The following COL4A3 variants were observed in gnomAD, a reference collection of about 807,000 sequenced individuals.
The protein encoded by COL4A3 is collagen alpha-3(IV) chain.
In COL4A3, 135 loss-of-function variants were observed where a neutral mutation model predicts 217.4. The ratio of observed to expected loss-of-function variants is 0.62; its 90% CI spans 0.54 to 0.72. COL4A3 has a LOEUF of 0.72. Ranked by LOEUF, COL4A3 falls within the 30% of genes least tolerant of loss-of-function variation. COL4A3 has a pLI of 0.00. For synonymous variants in COL4A3, 690 were observed against 736.3 expected (o/e 0.94, Z 1.02); for missense variants, 1,868 against 2,119.9 (o/e 0.88, Z 2.33).
chr2:227,185,273 A>G (rs2065993976), intron 1 of COL4A3, among the ~76,000 whole-genome samples: 1 of 152,192 alleles, frequency 6.6e-6, no homozygotes, highest in African/African-American at 2.4e-5. Flanking sequence ...TGTAAAAAGC[A>G]GAAAGCTTCT....
chr2:227,304,346 AT>A, intron 46 of COL4A3: 1 of 629,682 alleles, frequency 1.6e-6, no homozygotes, highest in Non-Finnish European at 2.7e-6. Context: ...GCAGTTGTTC[AT>A]AGTATAACTT....
intron 1 of COL4A3, among the ~76,000 whole-genome samples, chr2:227,166,899 T>G (rs2065298261): frequency 1.3e-5 from 2 of 152,288 alleles, no homozygotes; most frequent in South Asian, 4.1e-4. Flanking sequence ...TTTTCTCATG[T>G]GTAAAATGAG....
At chr2:227,181,280 A>G (rs1024268766) in intron 1 of COL4A3, among the ~76,000 whole-genome samples, 10 of 152,198 alleles carry the variant, frequency 6.6e-5, no homozygotes, top group Non-Finnish European at 2.9e-5. Context: ...CTCAAATTCC[A>G]TTAATGCGTA....
At chr2:227,241,281 A>C (rs1302780439) in intron 3 of COL4A3, among the ~76,000 whole-genome samples, 2 of 152,222 alleles carry the variant, frequency 1.3e-5, no homozygotes, top group Non-Finnish European at 2.9e-5. Context: ...CATTCCCCTG[A>C]CTACTGACCT....
At chr2:227,249,979 T>A (rs562462557) in intron 9 of COL4A3, among the ~76,000 whole-genome samples, 3 of 152,170 alleles carry the variant, frequency 2.0e-5, no homozygotes, top group Non-Finnish European at 4.4e-5. Context: ...TAGGGGCTAT[T>A]TCTAGGCTCT....
chr2:227,259,856 A>G lies in COL4A3; in HGVS notation c.1093A>G (p.Arg365Gly). The G allele has an allele frequency of 6.2e-7, 1 of 1,613,284 alleles. No homozygotes were observed. Residue 365 changes from arginine (R) to glycine (G), a missense_variant, in exon 19 of 52, where the codon AGA (arginine) becomes GGA (glycine). By Grantham distance (125) the Arg-to-Gly change is moderately radical. Around this residue, in one of 2 missense-constraint regions of COL4A3, gnomAD observed 1,503 missense variants for 1,786.1 expected, o/e 0.84. Coordinates refer to ENST00000396578, the MANE Select transcript of COL4A3 (RefSeq NM_000091.5). The stretch of plus-strand genomic sequence containing the variant: ...AGGCACTCCAGGCCCACCAGGGCCC[A>G]GAGGAGCTCGTGGCCCACAAGGTAA... Reference protein sequence around the residue: ...DEGTPGPPGPRGARGPQGPSG... With the variant: ...DEGTPGPPGPGGARGPQGPSG...
chr2:227,248,353 T>C (rs773539131), intron 8 of COL4A3, 90 bp from the exon 9 acceptor site: 6 of 828,630 alleles, frequency 7.2e-6, no homozygotes, highest in Non-Finnish European at 1.3e-5. Context: ...AGCATTTTTA[T>C]CTTTGAAGAA....
At chr2:227,256,884 A>C (rs2070214146) in intron 17 of COL4A3, among the ~76,000 whole-genome samples, 1 of 152,216 alleles carries the variant, frequency 6.6e-6, no homozygotes, top group Non-Finnish European at 1.5e-5. Context: ...GAAATGCATC[A>C]TTAGGTGATT....
intron 23 of COL4A3, among the ~76,000 whole-genome samples, chr2:227,269,255 T>G (rs775824235): frequency 2.6e-5 from 4 of 152,198 alleles, no homozygotes; most frequent in Non-Finnish European, 5.9e-5. Flanking sequence ...TTTTAAAAAT[T>G]TATTATAAAG....
At chr2:227,279,554 TTGCTGAA>T (rs2071812029) in intron 28 of COL4A3, 1 of 513,816 alleles carries the variant, frequency 1.9e-6, no homozygotes, top group South Asian at 2.5e-5. Context: ...GTTTGAAGAA[TTGCTGAA>T]TCAAAATCAT....
intron 1 of COL4A3, among the ~76,000 whole-genome samples, chr2:227,187,926 G>A (rs1023753265): frequency 6.6e-6 from 1 of 152,080 alleles, no homozygotes; most frequent in East Asian, 1.9e-4. Flanking sequence ...TGTTTGTCTC[G>A]ATAGAGCTGT....
At chr2:227,286,789 G>T (rs1460756767) in intron 34 of COL4A3, among the ~76,000 whole-genome samples, 2 of 152,136 alleles carry the variant, frequency 1.3e-5, no homozygotes, top group Non-Finnish European at 2.9e-5. Context: ...TCTTTCCAAG[G>T]CTCCCTGTGC....
At chr2:227,176,362 T>C (rs946376232) in intron 1 of COL4A3, among the ~76,000 whole-genome samples, 2 of 152,244 alleles carry the variant, frequency 1.3e-5, no homozygotes, top group African/African-American at 4.8e-5. Flanking sequence ...AGTGTGTACA[T>C]ATAAATTTGC....
rs374368957 is a variant in COL4A3, at chr2:227,247,592, A to G, written c.468+8A>G. 2.0e-5 allele frequency: 32 copies of G among 1,613,894 alleles called. No individual in the cohort carries two copies. In the African/African-American group the frequency reaches 4.1e-4, roughly 21 times the overall value. ...GGTTTGAAAGGACAAAAGGTAAGTC[A>G]TTGGTGGAATGCTGTCACTGAAAAT... On this transcript the variant is annotated splice_region_variant and intron_variant, in intron 8 of 51. Coordinates refer to ENST00000396578, the MANE Select transcript of COL4A3 (RefSeq NM_000091.5).
Position 227,311,862 on chromosome 2 carries a change from A to C in COL4A3, c.5005A>C (p.Arg1669=). The C allele has an allele frequency of 6.2e-7, 1 of 1,613,832 alleles. No individual in the cohort carries two copies. The part of the protein sequence containing the change: ...ISRCQVCMKK[R]H ...TCGCTGTCAGGTGTGCATGAAGAAA[A>C]GACACTGAAGCTAAAAAAGACAGCA... The change falls in exon 52 of 52, where the codon AGA becomes CGA. Residue 1669 remains arginine, a synonymous_variant. Transcript: ENST00000396578.
intron 1 of COL4A3, among the ~76,000 whole-genome samples, chr2:227,183,415 G>C (rs550543157): frequency 6.6e-6 from 1 of 152,278 alleles, no homozygotes; most frequent in East Asian, 1.9e-4. Context: ...AAAGTCCCAA[G>C]GAGCAGTGCA....
rs2071916145 is a variant in COL4A3 at position 227,280,891 on chromosome 2, A to G, written c.2375-2A>G. 1 of 1,551,304 alleles carries G rather than the reference A, an allele frequency of 6.4e-7. No individual in the cohort carries two copies. Among genetic ancestry groups the G allele is most frequent in the Non-Finnish European group, 8.7e-7 (1 of 1,145,690 alleles). On this transcript the variant is annotated splice_acceptor_variant, in intron 30 of 51. Coordinates refer to ENST00000396578, the MANE Select transcript of COL4A3 (RefSeq NM_000091.5). LOFTEE classifies it high-confidence loss of function. ...GGTATATACTTGTGCTTTCTTTTGCAGGAGATCCAGGGCAGCCTGGACCAC... is the reference window on the plus strand; with the variant it reads ...GGTATATACTTGTGCTTTCTTTTGCGGGAGATCCAGGGCAGCCTGGACCAC...
At chr2:227,299,855 G>A (rs1040512423) in intron 43 of COL4A3, among the ~76,000 whole-genome samples, 3 of 152,094 alleles carry the variant, frequency 2.0e-5, no homozygotes, top group Non-Finnish European at 4.4e-5. Flanking sequence ...GTCCAGTGAC[G>A]GAATCTTCAA....
At chr2:227,225,413 G>C (rs1220762262) in intron 1 of COL4A3, among the ~76,000 whole-genome samples, 5 of 152,168 alleles carry the variant, frequency 3.3e-5, no homozygotes, top group Admixed American at 3.3e-4. Flanking sequence ...TCTGAAAAAT[G>C]TGTCAGTTCC....
Sources: gnomAD v4.1 joint callset for allele counts (sites outside exome capture counted in the v4.1 genomes callset) on GRCh38, gnomAD v4.1.1 for gene constraint, gnomAD v4.1.1 regional missense constraint, MANE v1.5 for transcripts, NCBI Gene and HGNC (gene_info 2026-07-23, HGNC 2026-07-21) for gene names.